Variants in HS2ST1 observed in about 807,000 individuals in gnomAD.
HS2ST1 encodes 2-O-sulfotransferase.
In HS2ST1, 18 loss-of-function variants were observed where a neutral mutation model predicts 42.9. That is an observed-to-expected ratio of 0.42 (90% confidence interval 0.29 to 0.62). The LOEUF (loss-of-function observed/expected upper bound fraction) is 0.62, where lower values mean the gene tolerates loss of function less well. Ranked by LOEUF, HS2ST1 falls within the 20% of genes least tolerant of loss-of-function variation. The pLI is 0.21. For missense variants in HS2ST1, 334 were observed against 433.8 expected (o/e 0.77, Z 2.04); for synonymous variants, 146 against 152.9 (o/e 0.95, Z 0.33).
intron 1 of HS2ST1, among the ~76,000 whole-genome samples, chr1:86,979,455 C>A (rs1648517256): frequency 6.6e-6 from 1 of 152,124 alleles, no homozygotes; most frequent in Non-Finnish European, 1.5e-5. Flanking sequence ...TCATATAGCA[C>A]TGGATTTTGT....
chr1:87,069,776 TAA>T lies in HS2ST1; in HGVS notation c.125-3157_125-3156del, dbSNP rs1234612850. Among the ~76,000 whole-genome samples the T allele has an allele frequency of 2.0e-5, 3 of 152,318 alleles. No homozygotes were observed. The East Asian group carries it at 5.8e-4, about 29-fold the overall frequency. On this transcript the variant is annotated intron_variant, in intron 1 of 6. Transcript: ENST00000370550. Reference sequence around the variant, plus strand: ...CCAATATTTCTACCTTTTCATAATTTAAGACATTTCTAAAATTGTATGAAATA... The same window carrying T: ...CCAATATTTCTACCTTTTCATAATTTGACATTTCTAAAATTGTATGAAATA...
intron 3 of HS2ST1, among the ~76,000 whole-genome samples, chr1:87,090,092 C>G (rs1651905008): frequency 1.3e-5 from 2 of 152,056 alleles, no homozygotes; most frequent in South Asian, 4.1e-4. Context: ...TTAAAAACCT[C>G]TCAGCTCTGT....
intron 4 of HS2ST1, among the ~76,000 whole-genome samples, chr1:87,092,965 T>C (rs898453200): frequency 8.5e-5 from 13 of 152,208 alleles, no homozygotes; most frequent in Middle Eastern, 3.4e-3. Flanking sequence ...TAATATGATA[T>C]ATTTTTGTGT....
intron 1 of HS2ST1, among the ~76,000 whole-genome samples, chr1:86,939,444 T>C (rs976710958): frequency 6.6e-6 from 1 of 152,234 alleles, no homozygotes; most frequent in African/African-American, 2.4e-5. Flanking sequence ...ACAAAAAAAG[T>C]AGATACTACT....
intron 1 of HS2ST1, chr1:86,932,572 T>C (rs185218908): frequency 9.8e-5 from 15 of 152,334 alleles, no homozygotes. Context: ...TGATTTGTTA[T>C]TTGTAAAATT....
chr1:87,080,994 T>C (rs1381409061), intron 2 of HS2ST1, among the ~76,000 whole-genome samples: 1 of 152,180 alleles, frequency 6.6e-6, no homozygotes, highest in Non-Finnish European at 1.5e-5. Flanking sequence ...AAGGAGTCAA[T>C]TCAGCAAGAG....
At chr1:86,922,698 T>C (rs1660325632) in intron 1 of HS2ST1, among the ~76,000 whole-genome samples, 1 of 152,190 alleles carries the variant, frequency 6.6e-6, no homozygotes, top group Non-Finnish European at 1.5e-5. Context: ...AAGGTTGCCA[T>C]CATTCTTTGT....
intron 1 of HS2ST1, among the ~76,000 whole-genome samples, chr1:86,929,785 A>G (rs1214112936): frequency 6.6e-6 from 1 of 151,846 alleles, no homozygotes; most frequent in Non-Finnish European, 1.5e-5. Flanking sequence ...GCTTTATTAT[A>G]TTGTCAGTTT....
At chr1:86,915,628 G>A (rs1297810255) in intron 1 of HS2ST1, among the ~76,000 whole-genome samples, 1 of 152,178 alleles carries the variant, frequency 6.6e-6, no homozygotes, top group Non-Finnish European at 1.5e-5. Flanking sequence ...AGGGATAGGT[G>A]CGCAGAAATG....
intron 1 of HS2ST1, among the ~76,000 whole-genome samples, chr1:86,995,050 A>C (rs1403347213): frequency 6.6e-6 from 1 of 152,126 alleles, no homozygotes; most frequent in Non-Finnish European, 1.5e-5. Flanking sequence ...AACTTCATAA[A>C]ATTATAGGAT....
chr1:87,066,538 T>C (rs1488382675), intron 1 of HS2ST1, among the ~76,000 whole-genome samples: 1 of 152,158 alleles, frequency 6.6e-6, no homozygotes, highest in Non-Finnish European at 1.5e-5. Flanking sequence ...ACTTTTGACT[T>C]CCCAACAACT....
chr1:86,934,398 G>C (rs72722270), intron 1 of HS2ST1: 35,678 of 152,184 alleles, frequency 0.23, 4,984 homozygotes, highest in African/African-American at 0.38. Context: ...AGTTTCCTCT[G>C]TCTCTCCCCC....
At chr1:86,964,384 C>T (rs1268952328) in intron 1 of HS2ST1, among the ~76,000 whole-genome samples, 2 of 152,260 alleles carry the variant, frequency 1.3e-5, no homozygotes. Flanking sequence ...GTCTGCAATC[C>T]CGGCACCTCG....
At chr1:86,925,420 A>C (rs1006465031) in intron 1 of HS2ST1, among the ~76,000 whole-genome samples, 1 of 152,156 alleles carries the variant, frequency 6.6e-6, no homozygotes, top group East Asian at 1.9e-4. Context: ...TTACTGTTTT[A>C]GTCCGTTTTC....
intron 1 of HS2ST1, among the ~76,000 whole-genome samples, chr1:86,949,150 T>C (rs1647426884): frequency 6.6e-6 from 1 of 152,202 alleles, no homozygotes; most frequent in Admixed American, 6.5e-5. Context: ...GCTCTTTCGC[T>C]CAGGCCGGAG....
intron 1 of HS2ST1, among the ~76,000 whole-genome samples, chr1:86,982,008 A>G (rs1298074457): frequency 6.6e-6 from 1 of 152,246 alleles, no homozygotes; most frequent in Admixed American, 6.5e-5. Flanking sequence ...AAATCTAGGC[A>G]GAGGTTCCCA....
At chr1:86,979,746 C>T (rs924073890) in intron 1 of HS2ST1, among the ~76,000 whole-genome samples, 6 of 152,192 alleles carry the variant, frequency 3.9e-5, no homozygotes, top group African/African-American at 9.7e-5. Flanking sequence ...CTCAGTCATA[C>T]GGTAATTCTA....
intron 1 of HS2ST1, among the ~76,000 whole-genome samples, chr1:86,978,621 G>C (rs979538806): frequency 2.6e-5 from 4 of 152,014 alleles, no homozygotes; most frequent in Admixed American, 2.6e-4. Flanking sequence ...GTAAGTTTGT[G>C]GTTGTATAAT....
At chr1:86,951,585 T>A (rs1557491146) in intron 1 of HS2ST1, among the ~76,000 whole-genome samples, 1 of 152,232 alleles carries the variant, frequency 6.6e-6, no homozygotes, top group Admixed American at 6.5e-5. Flanking sequence ...AGTTATAAAT[T>A]TTTTGCTGAT....
Sources: allele counts gnomAD v4.1 joint callset (sites outside exome capture counted in the v4.1 genomes callset), GRCh38; gene constraint gnomAD v4.1.1; transcripts MANE v1.5; gene names NCBI Gene and HGNC (gene_info 2026-07-23, HGNC 2026-07-21).